Variants in RGS8 observed in about 807,000 individuals in gnomAD.
RGS8 encodes the protein regulator of G-protein signaling 8.
A neutral mutation model predicts 21.7 loss-of-function variants in RGS8; 8 were observed. That is an observed-to-expected ratio of 0.37 (90% CI 0.22 to 0.66). The LOEUF is 0.66. Ranked by LOEUF, RGS8 falls within the 30% of genes least tolerant of loss-of-function variation. The probability of loss-of-function intolerance (pLI) is 0.59; values close to 1 mark genes in which losing one functional copy is unlikely to be tolerated. For missense variants in RGS8, 157 were observed against 217.9 expected, an observed-to-expected ratio of 0.72 and a Z score of 1.76; for synonymous variants, 80 against 83.6, an observed-to-expected ratio of 0.96 and a Z score of 0.24.
chr1:182,686,028 A>G (rs1296190059), upstream of RGS8, among the ~76,000 whole-genome samples: 2 of 152,134 alleles, frequency 1.3e-5, no homozygotes, highest in Non-Finnish European at 2.9e-5. Flanking sequence ...AGTCAGGGAA[A>G]TCCCCTCAGA....
At chr1:182,699,057 A>C in the RGS8 span, among the ~76,000 whole-genome samples, 1 of 152,186 alleles carries the variant, frequency 6.6e-6, no homozygotes, top group African/African-American at 2.4e-5. Context: ...GATTCTGAAA[A>C]GGTTAAGGCA....
chr1:182,730,439 G>C, the RGS8 span, among the ~76,000 whole-genome samples: 1 of 152,152 alleles, frequency 6.6e-6, no homozygotes, highest in South Asian at 2.1e-4. Context: ...GCCGGGGTCA[G>C]TGGCTCATGC....
chr1:182,737,141 C>A, the RGS8 span, among the ~76,000 whole-genome samples: 1 of 152,068 alleles, frequency 6.6e-6, no homozygotes, highest in Non-Finnish European at 1.5e-5. Context: ...TCACTCCAGG[C>A]TCTGCCTCTG....
At chr1:182,744,599 T>C in the RGS8 span, among the ~76,000 whole-genome samples, 17 of 152,372 alleles carry the variant, frequency 1.1e-4, no homozygotes, top group African/African-American at 3.6e-4. Flanking sequence ...TTTCTATGTT[T>C]AGTTGTGTGT....
chr1:182,652,777 G>A (rs1047176653), intron 5 of RGS8, among the ~76,000 whole-genome samples: 3 of 152,196 alleles, frequency 2.0e-5, no homozygotes, highest in Admixed American at 6.5e-5. Flanking sequence ...CCCAGGAGGG[G>A]TGCCTTTGCC....
chr1:182,704,810 G>A, the RGS8 span, among the ~76,000 whole-genome samples: 7 of 152,076 alleles, frequency 4.6e-5, no homozygotes, highest in African/African-American at 7.2e-5. Flanking sequence ...TGAAGAATTC[G>A]CACAAGACAC....
upstream of RGS8, among the ~76,000 whole-genome samples, chr1:182,689,484 C>T (rs1050208226): frequency 6.6e-5 from 10 of 152,104 alleles, no homozygotes; most frequent in Non-Finnish European, 1.2e-4. Context: ...ACAACAAATG[C>T]CTAAGGTATA....
chr1:182,735,793 T>C, the RGS8 span, among the ~76,000 whole-genome samples: 6 of 152,376 alleles, frequency 3.9e-5, no homozygotes, highest in South Asian at 1.2e-3. Flanking sequence ...TTTCTCTGTC[T>C]GACCAGCTTC....
Position 182,681,125 on chromosome 1 carries a change from C to A in RGS8, n.221+3231G>T, listed in dbSNP as rs574379253. On this transcript the variant is annotated intron_variant and non_coding_transcript_variant, in intron 1 of 4. Transcript: ENST00000515211. The stretch of plus-strand genomic sequence containing the variant: ...TGAGTCACAGGGAGAACATCAGAGT[C>A]CGAGAAGGCAGAAGCCCCACACCCA... Among the ~76,000 whole-genome samples, 5 of 152,274 alleles carry A rather than the reference C, an allele frequency of 3.3e-5. No homozygotes were observed. In the South Asian group the frequency reaches 1.0e-3, roughly 32 times the overall value.
chr1:182,693,467 AT>A, the RGS8 span, among the ~76,000 whole-genome samples: 7 of 152,338 alleles, frequency 4.6e-5, no homozygotes, highest in East Asian at 7.7e-4. Flanking sequence ...CATCAAAAAA[AT>A]AATAGATGTT....
the RGS8 span, among the ~76,000 whole-genome samples, chr1:182,727,707 T>C: frequency 6.6e-6 from 1 of 152,132 alleles, no homozygotes; most frequent in Admixed American, 6.5e-5. Flanking sequence ...AATTTAATGT[T>C]ATAAATATTT....
At chr1:182,650,258 AC>A (rs1349993074) in intron 5 of RGS8, among the ~76,000 whole-genome samples, 1 of 152,184 alleles carries the variant, frequency 6.6e-6, no homozygotes, top group Non-Finnish European at 1.5e-5. Flanking sequence ...TCTGACGTCC[AC>A]CACTATCCAC....
the RGS8 span, among the ~76,000 whole-genome samples, chr1:182,700,567 G>C: frequency 6.6e-6 from 1 of 152,184 alleles, no homozygotes; most frequent in African/African-American, 2.4e-5. Flanking sequence ...GAAGACACAG[G>C]GTGCATCTTC....
At chr1:182,648,027 T>C in intron 6 of RGS8, 110 bp downstream of exon 7, 1 of 939,198 alleles carries the variant, frequency 1.1e-6, no homozygotes, top group Non-Finnish European at 1.5e-6. Flanking sequence ...GTGATGAGGC[T>C]CAGTTTAGTA....
the RGS8 span, among the ~76,000 whole-genome samples, chr1:182,697,574 C>T: frequency 3.9e-5 from 6 of 152,302 alleles, no homozygotes; most frequent in Admixed American, 2.0e-4. Flanking sequence ...TTCTGATACC[C>T]GGAGAGGGCA....
chr1:182,671,979 C>A (rs1664188106), upstream of RGS8: 1 of 1,280,562 alleles, frequency 7.8e-7, no homozygotes, highest in Non-Finnish European at 1.0e-6. Context: ...AGTCTGCACG[C>A]CCATCCTCAT....
chr1:182,713,029 G>T, the RGS8 span: 4 of 152,170 alleles, frequency 2.6e-5, no homozygotes, highest in Non-Finnish European at 5.9e-5. Context: ...AGCCAAAGTG[G>T]TATAAGATAA....
upstream of RGS8, among the ~76,000 whole-genome samples, chr1:182,685,652 C>G (rs1042403553): frequency 3.3e-5 from 5 of 152,158 alleles, no homozygotes; most frequent in Admixed American, 2.0e-4. Context: ...GAACACGACT[C>G]TTGCAGGTCT....
At position 182,667,353 on chromosome 1, in the gene RGS8, A is replaced by C. The variant is rs1663922987; in HGVS notation, c.27-380T>G. 4.6e-5 allele frequency among the ~76,000 whole-genome samples: 7 copies of C among 152,256 alleles called. No homozygotes were observed. In the South Asian group the frequency reaches 1.4e-3, roughly 31 times the overall value. On this transcript the variant is annotated intron_variant, in intron 3 of 6. Coordinates refer to ENST00000483095, the Ensembl canonical transcript of RGS8. ...AGGGCAAAGTAACAGCAGCAGCAGC[A>C]GCTCCTGATTGCAAAGACCCAGAAG...
Sources: gnomAD v4.1 joint callset for allele counts (sites outside exome capture counted in the v4.1 genomes callset) on GRCh38, gnomAD v4.1.1 for gene constraint, MANE v1.5 for transcripts, NCBI Gene and HGNC (gene_info 2026-07-23, HGNC 2026-07-21) for gene names.